The following IQGAP1 variants were observed in gnomAD, a reference collection of about 807,000 sequenced individuals.
IQGAP1 encodes the protein IQ motif containing GTPase activating protein 1, also known as ras GTPase-activating-like protein IQGAP1.
Under a neutral mutation model 215.6 loss-of-function variants are expected in IQGAP1, and 66 were observed. The ratio of observed to expected loss-of-function variants is 0.31; its 90% CI spans 0.25 to 0.38. IQGAP1 has a LOEUF of 0.38. Ranked by LOEUF, IQGAP1 falls within the 10% of genes least tolerant of loss-of-function variation. The pLI is 1.00. For synonymous variants in IQGAP1, 772 were observed against 728.7 expected (o/e 1.06, Z -0.96); for missense variants, 1,712 against 1,997.1 (o/e 0.86, Z 2.72).
At chr15:90,473,117 C>T in intron 19 of IQGAP1, 107 bp downstream of exon 19, 1 of 988,798 alleles carries the variant, frequency 1.0e-6, no homozygotes, top group Non-Finnish European at 1.5e-6. Context: ...GAGTGCTGGA[C>T]TCTTAGTCTT....
rs140574006 is a variant in IQGAP1 at position 90,436,938 on chromosome 15, T to G, written c.468-2394T>G. Among the ~76,000 whole-genome samples the G allele has an allele frequency of 2.7e-3, 411 of 152,334 alleles. 2 individuals carry two copies. Among genetic ancestry groups the G allele is most frequent in the African/African-American group, 9.6e-3 (400 of 41,576 alleles). On this transcript the variant is annotated intron_variant, in intron 5 of 37. Coordinates refer to ENST00000268182, the MANE Select transcript of IQGAP1 (RefSeq NM_003870.4). The stretch of plus-strand genomic sequence containing the variant: ...TTTACCACTGAAAGACATTAAAAGC[T>G]AAGTCAGTGTTCCTGGTACTGTGAA...
At chr15:90,388,450 A>T in intron 1 of IQGAP1, 54 bp downstream of exon 1, 3 of 888,126 alleles carry the variant, frequency 3.4e-6, no homozygotes, top group Non-Finnish European at 3.1e-6. Flanking sequence ...ATTGCAGACG[A>T]GGCGCGATTT....
intron 2 of IQGAP1, among the ~76,000 whole-genome samples, chr15:90,404,904 G>A (rs997631031): frequency 5.3e-5 from 8 of 151,972 alleles, no homozygotes; most frequent in Non-Finnish European, 4.4e-5. Context: ...TTTTGACTTT[G>A]TATTTCAAAT....
chr15:90,489,508 TCATTAAATGACAACTTAGCTA>T (rs941439178), intron 33 of IQGAP1, among the ~76,000 whole-genome samples: 3 of 152,296 alleles, frequency 2.0e-5, no homozygotes, highest in African/African-American at 7.2e-5. Flanking sequence ...GTAATCTGTT[TCATTAAATGACAACTTAGCTA>T]AAAGCCCAGT....
At chr15:90,492,372 A>G (rs560640803) in intron 34 of IQGAP1, among the ~76,000 whole-genome samples, 173 bp from the exon 35 acceptor site, 1 of 150,112 alleles carries the variant, frequency 6.7e-6, no homozygotes, top group Non-Finnish European at 1.5e-5. Flanking sequence ...CTGAGGCTAC[A>G]GGAAGCCGTC....
chr15:90,403,259 C>G (rs1348870565), intron 2 of IQGAP1, among the ~76,000 whole-genome samples: 4 of 152,108 alleles, frequency 2.6e-5, no homozygotes, highest in Non-Finnish European at 4.4e-5. Flanking sequence ...GTGTTTCTTC[C>G]CTGAAGACAT....
chr15:90,398,664 A>G (rs942445178), intron 2 of IQGAP1, among the ~76,000 whole-genome samples: 1 of 152,190 alleles, frequency 6.6e-6, no homozygotes, highest in African/African-American at 2.4e-5. Context: ...GTTAGCTTAC[A>G]GTTGGACAAA....
At chr15:90,424,178 A>G (rs971276323) in intron 2 of IQGAP1, among the ~76,000 whole-genome samples, 1 of 152,144 alleles carries the variant, frequency 6.6e-6, no homozygotes, top group Non-Finnish European at 1.5e-5. Flanking sequence ...TTTTATCAAC[A>G]TCCTTTTTAG....
At chr15:90,441,978 A>C (rs1426596197) in intron 8 of IQGAP1, among the ~76,000 whole-genome samples, 3 of 152,158 alleles carry the variant, frequency 2.0e-5, no homozygotes, top group Non-Finnish European at 4.4e-5. Context: ...ATTTTATACA[A>C]ATGGAATGAT....
chr15:90,441,718 T>G (rs1965453752), intron 8 of IQGAP1, 34 bp downstream of exon 8: 3 of 1,453,872 alleles, frequency 2.1e-6, no homozygotes, highest in East Asian at 2.3e-5. Flanking sequence ...TCTAATTAAT[T>G]TATATTATTC....
At chr15:90,445,285 C>A (rs1965511764) in intron 9 of IQGAP1, among the ~76,000 whole-genome samples, 1 of 151,842 alleles carries the variant, frequency 6.6e-6, no homozygotes, top group South Asian at 2.1e-4. Context: ...TGTAAATTGC[C>A]TGCTATTTAG....
At chr15:90,439,297 G>A (rs564404855) in intron 5 of IQGAP1, 35 bp from the exon 6 acceptor site, 2 of 1,578,662 alleles carry the variant, frequency 1.3e-6, no homozygotes, top group Admixed American at 1.7e-5. Flanking sequence ...AGGCACAGCT[G>A]GGAGGCCTAA....
At chr15:90,412,444 G>A (rs1964980062) in intron 2 of IQGAP1, among the ~76,000 whole-genome samples, 2 of 152,180 alleles carry the variant, frequency 1.3e-5, no homozygotes, top group Admixed American at 6.5e-5. Flanking sequence ...TTTAATTCCT[G>A]TGTAAATCCT....
At chr15:90,451,572 G>A (rs1256314136) in intron 11 of IQGAP1, among the ~76,000 whole-genome samples, 2 of 151,924 alleles carry the variant, frequency 1.3e-5, no homozygotes, top group African/African-American at 2.4e-5. Flanking sequence ...GACCCACACA[G>A]CTCCTACTAG....
chr15:90,480,183 G>GT lies in IQGAP1; in HGVS notation c.3330-1774dup, dbSNP rs1333975157. Among the ~76,000 whole-genome samples, 22 of 147,320 alleles carry GT rather than the reference G, an allele frequency of 1.5e-4. No individual in the cohort carries two copies. In the East Asian group the frequency reaches 4.5e-3, roughly 30 times the overall value. ...ACAGGAAGATCGCTTGAGCCCAGGA[G>GT]TTTGAGCACTGCCTGGGCAATGTAG... On this transcript the variant is annotated intron_variant, in intron 26 of 37. Transcript: ENST00000268182.
At chr15:90,472,264 A>T (rs1289598594) in intron 18 of IQGAP1, among the ~76,000 whole-genome samples, 4 of 152,162 alleles carry the variant, frequency 2.6e-5, no homozygotes, top group Non-Finnish European at 5.9e-5. Context: ...GACAGAATGA[A>T]ACCTTGTCTC....
At chr15:90,436,002 C>T (rs1965365688) in intron 5 of IQGAP1, among the ~76,000 whole-genome samples, 2 of 151,498 alleles carry the variant, frequency 1.3e-5, no homozygotes, top group African/African-American at 4.9e-5. Context: ...GATAAGGCTC[C>T]ATCTCCCTTT....
chr15:90,480,748 A>T lies in IQGAP1; in HGVS notation c.3330-1212A>T, dbSNP rs573948172. Among the ~76,000 whole-genome samples the T allele has an allele frequency of 2.6e-5, 4 of 152,280 alleles. No individual in the cohort carries two copies. The East Asian group carries it at 7.7e-4, about 29-fold the overall frequency. ...CAATGGTGTAATCTCAGCTCACTGC[A>T]ACCTCTGCCTCCCTGGTTCAAGCGA... On this transcript the variant is annotated intron_variant, in intron 26 of 37. Transcript: ENST00000268182.
chr15:90,420,782 G>C (rs564690354), intron 2 of IQGAP1, among the ~76,000 whole-genome samples: 1 of 152,196 alleles, frequency 6.6e-6, no homozygotes, highest in Non-Finnish European at 1.5e-5. Flanking sequence ...GAATGCAGTG[G>C]TATGATCACT....
Sources: allele counts gnomAD v4.1 joint callset (sites outside exome capture counted in the v4.1 genomes callset), GRCh38; gene constraint gnomAD v4.1.1; transcripts MANE v1.5; gene names NCBI Gene and HGNC (gene_info 2026-07-23, HGNC 2026-07-21).